Variants in TPRG1 observed in about 807,000 individuals in gnomAD.
TPRG1 encodes tumor protein p63-regulated gene 1 protein.
A neutral mutation model predicts 29.3 loss-of-function variants in TPRG1; 29 were observed. The observed-to-expected ratio is 0.99, with a 90% CI of 0.74 to 1.35. The LOEUF is 1.35. Ranked by LOEUF, TPRG1 falls within the 40% of genes most tolerant of loss-of-function variation. The pLI is 0.00. For synonymous variants in TPRG1, 130 were observed against 116.8 expected (o/e 1.11, Z -0.73); for missense variants, 327 against 335.0 (o/e 0.98, Z 0.19).
At chr3:189,130,424 G>A (rs947733863) in intron 2 of TPRG1, among the ~76,000 whole-genome samples, 4 of 152,190 alleles carry the variant, frequency 2.6e-5, no homozygotes. Context: ...TATTCTCAGT[G>A]CTTTCTTAAC....
At chr3:189,155,727 G>A (rs1448072589) in intron 5 of TPRG1, among the ~76,000 whole-genome samples, 1 of 152,212 alleles carries the variant, frequency 6.6e-6, no homozygotes. Context: ...AGTGGAATAA[G>A]CCAAGCACAG....
At chr3:189,194,517 A>G (rs932419499) in intron 1 of TPRG1, among the ~76,000 whole-genome samples, 1 of 152,158 alleles carries the variant, frequency 6.6e-6, no homozygotes, top group Non-Finnish European at 1.5e-5. Context: ...CAGGTTGCCC[A>G]CAGAGCCTGG....
intron 4 of TPRG1, among the ~76,000 whole-genome samples, chr3:189,280,913 C>T (rs73055978): frequency 0.024 from 3,669 of 152,246 alleles, 159 homozygotes; most frequent in African/African-American, 0.084. Context: ...CTTTTAACTA[C>T]GTATCTATTC....
At chr3:189,161,269 T>G (rs1205525442) in intron 5 of TPRG1, among the ~76,000 whole-genome samples, 1 of 152,232 alleles carries the variant, frequency 6.6e-6, no homozygotes, top group African/African-American at 2.4e-5. Flanking sequence ...ATTTTTCTTT[T>G]GCTATAGAAG....
chr3:189,015,051 T>G (rs897618864), intron 3 of TPRG1, among the ~76,000 whole-genome samples: 4 of 152,162 alleles, frequency 2.6e-5, no homozygotes, highest in Admixed American at 2.6e-4. Flanking sequence ...GGAACTTCCT[T>G]GAGATTTTTT....
chr3:189,045,256 G>C (rs1714902745), intron 4 of TPRG1, among the ~76,000 whole-genome samples: 1 of 152,194 alleles, frequency 6.6e-6, no homozygotes, highest in South Asian at 2.1e-4. Context: ...ATTGCTAACT[G>C]AGTAACACTC....
intron 1 of TPRG1, among the ~76,000 whole-genome samples, chr3:189,198,117 T>A (rs548769747): frequency 6.6e-6 from 1 of 152,130 alleles, no homozygotes; most frequent in Non-Finnish European, 1.5e-5. Context: ...CTTCAAGGGA[T>A]TGGGTTTGGG....
At chr3:189,004,362 T>C (rs929458241) in intron 2 of TPRG1, among the ~76,000 whole-genome samples, 1 of 152,172 alleles carries the variant, frequency 6.6e-6, no homozygotes, top group African/African-American at 2.4e-5. Context: ...TGTGATTAAG[T>C]TTCTAGTGTG....
rs528532962 is a variant in TPRG1, at chr3:189,258,197, C to T, written c.479+19288C>T. 4.8e-5 allele frequency among the ~76,000 whole-genome samples: 7 copies of T among 145,828 alleles called. No homozygotes were observed. In the South Asian group the frequency reaches 1.5e-3, roughly 32 times the overall value. On this transcript the variant is annotated intron_variant, in intron 4 of 5. Transcript: ENST00000345063. ...CAGATGGAGTTTTTGTGTGGTCATC[C>T]TTTTTTTTTTTATATTGATGTTACT...
At chr3:189,142,445 CT>C (rs1304972483) in intron 3 of TPRG1, among the ~76,000 whole-genome samples, 1 of 152,194 alleles carries the variant, frequency 6.6e-6, no homozygotes, top group African/African-American at 2.4e-5. Flanking sequence ...ATCCTACCCC[CT>C]GCCCCCATTT....
intron 1 of TPRG1, among the ~76,000 whole-genome samples, chr3:189,199,023 A>G (rs1234223171): frequency 6.6e-6 from 1 of 152,166 alleles, no homozygotes; most frequent in Non-Finnish European, 1.5e-5. Flanking sequence ...TTTCCTTCTT[A>G]AGTACAAGAA....
chr3:189,033,978 T>C (rs945371678), intron 4 of TPRG1, among the ~76,000 whole-genome samples: 3 of 152,224 alleles, frequency 2.0e-5, no homozygotes, highest in African/African-American at 7.2e-5. Context: ...AAAAGATACA[T>C]GGAAGCATTG....
chr3:189,192,933 A>G (rs929131998), intron 1 of TPRG1, among the ~76,000 whole-genome samples: 5 of 152,042 alleles, frequency 3.3e-5, no homozygotes, highest in Non-Finnish European at 7.4e-5. Context: ...TCATTTCTGA[A>G]TGATAATTTT....
intron 5 of TPRG1, chr3:189,151,130 G>A (rs1347014790): frequency 6.6e-6 from 1 of 152,160 alleles, no homozygotes; most frequent in African/African-American, 2.4e-5. Context: ...TTCAGTGCTG[G>A]CTCTCATTTT....
At chr3:189,274,267 A>C (rs548995202) in intron 4 of TPRG1, among the ~76,000 whole-genome samples, 3 of 152,274 alleles carry the variant, frequency 2.0e-5, no homozygotes, top group South Asian at 4.1e-4. Flanking sequence ...TGAAATGAAA[A>C]TTTTGGCTGA....
At chr3:189,133,370 C>G (rs1365942972) in intron 3 of TPRG1, among the ~76,000 whole-genome samples, 1 of 152,130 alleles carries the variant, frequency 6.6e-6, no homozygotes, top group Non-Finnish European at 1.5e-5. Flanking sequence ...CCTCTTGCCA[C>G]AGTTCAGGAA....
intron 4 of TPRG1, among the ~76,000 whole-genome samples, chr3:189,303,385 A>G (rs920539297): frequency 6.6e-6 from 1 of 152,196 alleles, no homozygotes; most frequent in African/African-American, 2.4e-5. Context: ...TGATGGGTCA[A>G]ACACGTTAGG....
intron 4 of TPRG1, among the ~76,000 whole-genome samples, chr3:189,069,849 G>GT (rs539378958): frequency 7.9e-4 from 120 of 151,984 alleles, no homozygotes; most frequent in Non-Finnish European, 1.4e-3. Context: ...GCTCATACCT[G>GT]TAATACCAGC....
At chr3:189,132,661 G>A (rs565317231) in exon 3 of TPRG1, 1 of 152,288 alleles carries the variant, frequency 6.6e-6, no homozygotes, top group Non-Finnish European at 1.5e-5. Context: ...AGACTTCAAA[G>A]CAACTTAGGC....
Sources: gnomAD v4.1 joint callset for allele counts (sites outside exome capture counted in the v4.1 genomes callset) on GRCh38, gnomAD v4.1.1 for gene constraint, MANE v1.5 for transcripts, NCBI Gene and HGNC (gene_info 2026-07-23, HGNC 2026-07-21) for gene names.